Variants in CNTN6 observed in about 807,000 individuals in gnomAD.
CNTN6 encodes contactin 6.
In CNTN6, 137 loss-of-function variants were observed where a neutral mutation model predicts 122.8. The observed-to-expected ratio is 1.12, with a 90% confidence interval of 0.97 to 1.29. The LOEUF (loss-of-function observed/expected upper bound fraction) is 1.29. CNTN6 is among the 50% of genes most tolerant of loss of function. The pLI is 0.00. For missense variants in CNTN6, 1,634 were observed against 1,223.4 expected, an observed-to-expected ratio of 1.34 and a Z score of -5.01; for synonymous variants, 570 against 426.0, an observed-to-expected ratio of 1.34 and a Z score of -4.16.
chr3:1,307,177 T>C (rs1038431358), intron 7 of CNTN6, among the ~76,000 whole-genome samples: 2 of 152,142 alleles, frequency 1.3e-5, no homozygotes, highest in African/African-American at 2.4e-5. Context: ...ATCAGCTCTT[T>C]CCTTCCAGAC....
At chr3:1,244,012 G>T (rs1450615368) in intron 4 of CNTN6, among the ~76,000 whole-genome samples, 3 of 152,140 alleles carry the variant, frequency 2.0e-5, no homozygotes, top group African/African-American at 4.8e-5. Context: ...TGGACGTAAG[G>T]CACCTCAGAC....
chr3:1,263,266 G>C (rs1012488003), intron 4 of CNTN6, among the ~76,000 whole-genome samples: 1 of 152,092 alleles, frequency 6.6e-6, no homozygotes, highest in African/African-American at 2.4e-5. Context: ...AGATTTATCT[G>C]ACTCCAAAGC....
chr3:1,275,892 T>A (rs1020126974), intron 4 of CNTN6, among the ~76,000 whole-genome samples: 11 of 152,202 alleles, frequency 7.2e-5, no homozygotes, highest in African/African-American at 2.7e-4. Context: ...ACTCATCTCC[T>A]GCTGCGTGGT....
chr3:1,139,584 TA>T (rs941077736), intron 1 of CNTN6, among the ~76,000 whole-genome samples: 115 of 151,338 alleles, frequency 7.6e-4, no homozygotes, highest in Non-Finnish European at 1.4e-3. Flanking sequence ...AATATTGTTT[TA>T]AAAAAAAACT....
intron 4 of CNTN6, among the ~76,000 whole-genome samples, chr3:1,254,752 G>T (rs1233624891): frequency 6.6e-6 from 1 of 152,148 alleles, no homozygotes; most frequent in African/African-American, 2.4e-5. Context: ...CAAGATGGAT[G>T]AAATTTCCAA....
At chr3:1,163,151 A>G (rs976931750) in intron 2 of CNTN6, among the ~76,000 whole-genome samples, 8 of 152,342 alleles carry the variant, frequency 5.3e-5, no homozygotes, top group African/African-American at 1.7e-4. Flanking sequence ...ATATATGAGG[A>G]CAACGCAGCT....
At chr3:1,137,516 G>C (rs575707404) in intron 1 of CNTN6, among the ~76,000 whole-genome samples, 20 of 152,198 alleles carry the variant, frequency 1.3e-4, no homozygotes, top group Non-Finnish European at 2.9e-4. Context: ...ATTTAGAAGT[G>C]TTTAAGAGGT....
rs564847324 is a variant in CNTN6 at position 1,106,750 on chromosome 3, C to A, written c.-83+13630C>A. ...TCTATCCAATGAACTTTCCCTTTCA[C>A]TTCACATATTCTCTGGGCTCATGGT... is the stretch of plus-strand genomic sequence containing the variant. On this transcript the variant is annotated intron_variant, in intron 1 of 22. Coordinates refer to ENST00000446702, the MANE Select transcript of CNTN6 (RefSeq NM_001289080.2). 4.6e-5 allele frequency among the ~76,000 whole-genome samples: 7 copies of A among 152,216 alleles called. No individual in the cohort carries two copies. In the South Asian group the frequency reaches 1.2e-3, roughly 27 times the overall value.
chr3:1,401,355 T>C, intron 20 of CNTN6, 78 bp from the exon 21 acceptor site: 2 of 1,134,592 alleles, frequency 1.8e-6, no homozygotes, highest in East Asian at 2.5e-5. Flanking sequence ...GACTTATTTT[T>C]TCTTTTCATG....
chr3:1,286,429 T>C (rs986915737), intron 5 of CNTN6, among the ~76,000 whole-genome samples: 1 of 152,166 alleles, frequency 6.6e-6, no homozygotes, highest in Non-Finnish European at 1.5e-5. Context: ...CTCTCACTTA[T>C]GAGTGAAAAC....
chr3:1,134,528 C>T (rs1193274093), intron 1 of CNTN6, among the ~76,000 whole-genome samples: 2 of 152,042 alleles, frequency 1.3e-5, no homozygotes, highest in East Asian at 3.9e-4. Context: ...CTTGCCTAGA[C>T]CTGGATACAA....
At chr3:1,129,907 G>T (rs184718732) in intron 1 of CNTN6, among the ~76,000 whole-genome samples, 21 of 152,154 alleles carry the variant, frequency 1.4e-4, no homozygotes, top group Non-Finnish European at 2.8e-4. Flanking sequence ...TTTAAAAACA[G>T]TTTTTCAAGA....
At chr3:1,272,102 G>A (rs552787519) in intron 4 of CNTN6, among the ~76,000 whole-genome samples, 7 of 152,242 alleles carry the variant, frequency 4.6e-5, no homozygotes, top group African/African-American at 7.2e-5. Context: ...CTTGCCTGCC[G>A]CCATGTAAGA....
chr3:1,278,339 T>C, intron 4 of CNTN6, 74 bp from the exon 5 acceptor site: 2 of 1,064,110 alleles, frequency 1.9e-6, no homozygotes, highest in Middle Eastern at 2.7e-4. Context: ...ATAAAAACAT[T>C]CTTGAGATTC....
At chr3:1,303,317 T>C (rs1456592420) in intron 7 of CNTN6, among the ~76,000 whole-genome samples, 3 of 152,204 alleles carry the variant, frequency 2.0e-5, no homozygotes, top group South Asian at 4.1e-4. Flanking sequence ...AGACTGTTTT[T>C]TAGCAGGCTT....
At chr3:1,398,934 G>T (rs1446952745) in intron 20 of CNTN6, among the ~76,000 whole-genome samples, 2 of 152,068 alleles carry the variant, frequency 1.3e-5, no homozygotes, top group East Asian at 1.9e-4. Context: ...GGTAGATGAG[G>T]ACACAAATGC....
chr3:1,391,935 G>C (rs1323147468), intron 20 of CNTN6, among the ~76,000 whole-genome samples: 1 of 152,164 alleles, frequency 6.6e-6, no homozygotes, highest in Admixed American at 6.5e-5. Flanking sequence ...AACATTCCAT[G>C]CTCATGGGTA....
chr3:1,348,497 T>C (rs1360165088), intron 11 of CNTN6, among the ~76,000 whole-genome samples: 1 of 152,068 alleles, frequency 6.6e-6, no homozygotes. Context: ...AAATGTTGCA[T>C]CACATTTTAG....
In CNTN6 at chr3:1,147,930, C is replaced by T. The variant is rs193165252; in HGVS notation, c.-79C>T. The stretch of plus-strand genomic sequence containing the variant: ...ATGACAATTTTGTCTTTTTCAGACT[C>T]TTGAGATACTGACTGGAAGATAGAC... On this transcript the variant is annotated 5_prime_UTR_variant, in exon 2 of 23. Transcript: ENST00000446702. The T allele has an allele frequency of 3.0e-6, 3 of 1,009,668 alleles. No individual in the cohort carries two copies. Among genetic ancestry groups the T allele is most frequent in the South Asian group, 2.8e-5 (2 of 71,926 alleles). 62.5% of individuals were successfully genotyped at this position (1,009,668 alleles called of 1,614,324 possible).
Sources: gnomAD v4.1 joint callset for allele counts (sites outside exome capture counted in the v4.1 genomes callset) on GRCh38, gnomAD v4.1.1 for gene constraint, MANE v1.5 for transcripts, NCBI Gene and HGNC (gene_info 2026-07-23, HGNC 2026-07-21) for gene names.